Variants in LINGO2 observed in about 807,000 individuals in gnomAD.
LINGO2 encodes leucine-rich repeat and immunoglobulin-like domain-containing nogo receptor-interacting protein 2.
In LINGO2, 14 loss-of-function variants were observed where a neutral mutation model predicts 30.6. That is an observed-to-expected ratio of 0.46 (90% CI 0.30 to 0.72). The LOEUF is 0.72. LINGO2 is among the 30% of genes least tolerant of loss of function. The pLI, the probability that LINGO2 is intolerant of heterozygous loss-of-function variation, is 0.07. For missense variants in LINGO2, 729 were observed against 751.7 expected (o/e 0.97, Z 0.35); for synonymous variants, 317 against 288.5 (o/e 1.10, Z -1.00).
the LINGO2 span, among the ~76,000 whole-genome samples, chr9:29,212,287 G>T: frequency 4.0e-5 from 6 of 151,840 alleles, no homozygotes; most frequent in Admixed American, 1.3e-4. Context: ...GAGCACGCTG[G>T]CTCTCCGCGC....
At chr9:27,956,161 G>A (rs559743375) in intron 5 of LINGO2, among the ~76,000 whole-genome samples, 6 of 152,146 alleles carry the variant, frequency 3.9e-5, no homozygotes, top group African/African-American at 9.6e-5. Context: ...GGCTGGTCTC[G>A]AACTCCGGAG....
chr9:29,197,870 T>A, the LINGO2 span, among the ~76,000 whole-genome samples: 3 of 152,104 alleles, frequency 2.0e-5, no homozygotes, highest in Admixed American at 2.0e-4. Context: ...ATGGAAAGAA[T>A]AAATACACTT....
chr9:28,618,361 C>T (rs1418469764), intron 1 of LINGO2, among the ~76,000 whole-genome samples: 1 of 151,902 alleles, frequency 6.6e-6, no homozygotes, highest in African/African-American at 2.4e-5. Context: ...GAGTGTGTTT[C>T]TCTCTCTCTC....
the LINGO2 span, among the ~76,000 whole-genome samples, chr9:28,855,919 G>A: frequency 7.2e-5 from 11 of 152,016 alleles, no homozygotes; most frequent in Admixed American, 5.3e-4. Flanking sequence ...CTTTCTAGCT[G>A]GACTGGACAG....
intron 1 of LINGO2, among the ~76,000 whole-genome samples, chr9:28,576,288 C>G (rs1823983056): frequency 6.6e-6 from 1 of 152,146 alleles, no homozygotes. Flanking sequence ...TATCATTAGA[C>G]AGAGGAAAGA....
chr9:28,040,445 G>A (rs1372334956), intron 4 of LINGO2, among the ~76,000 whole-genome samples: 1 of 45,654 alleles, frequency 2.2e-5, no homozygotes, highest in Non-Finnish European at 4.6e-5. Flanking sequence ...TTTTTTTTTT[G>A]GACAGGGATT....
chr9:28,971,946 C>G, the LINGO2 span, among the ~76,000 whole-genome samples: 1 of 152,118 alleles, frequency 6.6e-6, no homozygotes. Context: ...TTGCTCAGAC[C>G]AGAGAGAGAG....
Position 28,006,655 on chromosome 9 carries a change from G to A in LINGO2, c.-36+5700C>T, listed in dbSNP as rs1157813964. Among the ~76,000 whole-genome samples, 4 of 152,084 alleles carry A rather than the reference G, an allele frequency of 2.6e-5. No individual in the cohort carries two copies. The South Asian group carries it at 8.3e-4, about 32-fold the overall frequency. On this transcript the variant is annotated intron_variant, in intron 5 of 5. Coordinates refer to ENST00000379992, the Ensembl canonical transcript of LINGO2. ...AACCCTTTTAACCATGGTATATTTT[G>A]CCCCAGTAGGACTACAATAATCTCT...
intron 1 of LINGO2, among the ~76,000 whole-genome samples, chr9:28,529,107 TA>T (rs1190789150): frequency 6.6e-6 from 1 of 152,144 alleles, no homozygotes; most frequent in African/African-American, 2.4e-5. Context: ...TGGTTGAGTC[TA>T]TCTGCTACCC....
At chr9:29,058,519 G>A in the LINGO2 span, among the ~76,000 whole-genome samples, 1 of 151,892 alleles carries the variant, frequency 6.6e-6, no homozygotes, top group African/African-American at 2.4e-5. Context: ...TATACAAGAA[G>A]GGGTGAGGTG....
intron 4 of LINGO2, among the ~76,000 whole-genome samples, chr9:28,041,712 G>A (rs1166621437): frequency 6.6e-6 from 1 of 152,072 alleles, no homozygotes; most frequent in Non-Finnish European, 1.5e-5. Context: ...TGAGCCCAGA[G>A]AATTATCAGT....
the LINGO2 span, among the ~76,000 whole-genome samples, chr9:28,956,052 A>C: frequency 1.5e-4 from 22 of 151,604 alleles, no homozygotes; most frequent in African/African-American, 4.8e-4. Flanking sequence ...AAACAGGTTA[A>C]AAAAAAATTA....
chr9:28,975,816 G>C, the LINGO2 span, among the ~76,000 whole-genome samples: 4 of 152,122 alleles, frequency 2.6e-5, no homozygotes, highest in African/African-American at 7.2e-5. Flanking sequence ...TTCAGAAGTA[G>C]TTACAATGTA....
chr9:28,979,115 C>T, the LINGO2 span, among the ~76,000 whole-genome samples: 3 of 151,972 alleles, frequency 2.0e-5, no homozygotes, highest in East Asian at 1.9e-4. Flanking sequence ...CTTTCTGTCT[C>T]GGGCTATCTT....
intron 2 of LINGO2, among the ~76,000 whole-genome samples, chr9:28,425,477 A>G (rs1051957124): frequency 6.6e-6 from 1 of 151,958 alleles, no homozygotes; most frequent in Non-Finnish European, 1.5e-5. Context: ...TGATAGTACT[A>G]AAGAAGTAGT....
chr9:27,955,770 TAAATATATACCTAG>T (rs1819531990), intron 5 of LINGO2, among the ~76,000 whole-genome samples: 1 of 152,054 alleles, frequency 6.6e-6, no homozygotes, highest in African/African-American at 2.4e-5. Flanking sequence ...TGTTTTTTCT[TAAATATATACCTAG>T]AAATATATAC....
intron 4 of LINGO2, among the ~76,000 whole-genome samples, chr9:28,062,605 C>G (rs1346774015): frequency 7.0e-6 from 1 of 142,572 alleles, no homozygotes; most frequent in African/African-American, 2.7e-5. Flanking sequence ...TGTATATATA[C>G]AAAATCAAAT....
intron 1 of LINGO2, among the ~76,000 whole-genome samples, chr9:28,479,292 AT>A (rs911940041): frequency 4.3e-4 from 65 of 151,512 alleles, no homozygotes; most frequent in South Asian, 1.7e-3. Flanking sequence ...GGGAAATTTA[AT>A]TTTTTTTTAA....
At chr9:28,823,067 A>T in the LINGO2 span, among the ~76,000 whole-genome samples, 2 of 152,148 alleles carry the variant, frequency 1.3e-5, no homozygotes, top group South Asian at 4.1e-4. Context: ...TAGAAAAGTA[A>T]ATTGGGACTG....
Sources: allele counts gnomAD v4.1 joint callset (sites outside exome capture counted in the v4.1 genomes callset), GRCh38; gene constraint gnomAD v4.1.1; transcripts MANE v1.5; gene names NCBI Gene and HGNC (gene_info 2026-07-23, HGNC 2026-07-21).